The following AARSD1 variants were observed in gnomAD, a reference collection of about 807,000 sequenced individuals.
AARSD1 encodes alanyl-tRNA editing protein Aarsd1.
In AARSD1, 44 loss-of-function variants were observed where a neutral mutation model predicts 48.7. The ratio of observed to expected loss-of-function variants is 0.90; its 90% CI spans 0.71 to 1.16. The LOEUF is 1.16. Among genes scored for constraint, AARSD1 ranks in the 50% most tolerant of loss-of-function variants. The pLI is 0.00. For synonymous variants in AARSD1, 189 were observed against 194.9 expected (o/e 0.97, Z 0.25); for missense variants, 511 against 523.1 (o/e 0.98, Z 0.23).
intron 4 of AARSD1, among the ~76,000 whole-genome samples, chr17:42,956,799 CTGG>C (rs1054763814): frequency 1.1e-4 from 16 of 147,366 alleles, no homozygotes; most frequent in African/African-American, 4.0e-4. Context: ...TCCCGAGTAG[CTGG>C]GACTACAGGC....
At position 42,954,347 on chromosome 17, in the gene AARSD1, C is replaced by CA. The variant is rs200086743; in HGVS notation, c.953+528dup. Among the ~76,000 whole-genome samples the CA allele has an allele frequency of 2.6e-3, 399 of 151,300 alleles. 6 individuals are homozygous for CA. The East Asian group carries it at 0.029, about 11-fold the overall frequency. ...CTCCAGACACACTAAGACTCCATCT[C>CA]AAAAAAAACACAAAAAACAAAAGAT... On this transcript the variant is annotated intron_variant, in intron 9 of 11. Coordinates refer to ENST00000427569, the MANE Select transcript of AARSD1 (RefSeq NM_001261434.2).
At chr17:42,955,606 G>A (rs1597713836) in intron 7 of AARSD1, 2 of 584,946 alleles carry the variant, frequency 3.4e-6, no homozygotes, top group Non-Finnish European at 5.5e-6. Flanking sequence ...GCCTGGCTAA[G>A]TTCTTTTTGT....
intron 7 of AARSD1, 46 bp downstream of exon 7, chr17:42,955,796 A>G: frequency 3.1e-6 from 5 of 1,611,792 alleles, no homozygotes; most frequent in Non-Finnish European, 4.2e-6. Flanking sequence ...ATTATGTCGA[A>G]AATCTCAGAA....
At chr17:42,963,969 C>T (rs1220809850) in intron 2 of AARSD1, 137 bp downstream of exon 2, 1 of 1,444,674 alleles carries the variant, frequency 6.9e-7, no homozygotes, top group Non-Finnish European at 9.2e-7. Context: ...CTGATAAATA[C>T]TCATTAAATG....
chr17:42,955,411 T>G, intron 7 of AARSD1, 187 bp from the exon 8 acceptor site: 1 of 660,412 alleles, frequency 1.5e-6, no homozygotes, highest in South Asian at 2.0e-5. Flanking sequence ...TTCGTGGTTC[T>G]GATTTACTAT....
chr17:42,956,250 G>T lies in AARSD1; in HGVS notation c.617C>A (p.Ser206Tyr). ...CACATGGGTCCCACAGCACATGTTGGAATCAACGCCCTCGATGTTAACAAC... is the reference window on the plus strand; with the variant it reads ...CACATGGGTCCCACAGCACATGTTGTAATCAACGCCCTCGATGTTAACAAC... Reference protein sequence around the residue: ...IRVVNIEGVDSNMCCGTHVSN... With the variant: ...IRVVNIEGVDYNMCCGTHVSN... The change falls in exon 6 of 12, where the codon TCC becomes TAC. Residue 206 changes from serine to tyrosine, a missense_variant. Coordinates refer to ENST00000427569, the MANE Select transcript of AARSD1 (RefSeq NM_001261434.2). The T allele has an allele frequency of 1.9e-6, 3 of 1,614,064 alleles. No individual in the cohort carries two copies. The highest frequency in any genetic ancestry group is 2.5e-6 in the Non-Finnish European group (3 of 1,180,042).
In AARSD1 at chr17:42,964,200, A is replaced by G; in HGVS notation, c.77T>C (p.Leu26Pro). 6.2e-7 allele frequency: 1 copy of G among 1,614,206 alleles called. No homozygotes were observed. Among genetic ancestry groups the G allele is most frequent in the Non-Finnish European group, 8.5e-7 (1 of 1,180,038 alleles). Reference sequence around the variant, plus strand: ...CTTGCCGTTGCTCCCTTCAGTCTGCAGCTCCGCGGGACAGCAGGAGACCAC... The same window carrying G: ...CTTGCCGTTGCTCCCTTCAGTCTGCGGCTCCGCGGGACAGCAGGAGACCAC... ...TTVVSCCPAELQTEGSNGKKE... is the reference protein window; with the variant it reads ...TTVVSCCPAEPQTEGSNGKKE... The change falls in exon 2 of 12, where the codon CTG (leucine) becomes CCG (proline). Residue 26 changes from leucine to proline, a missense_variant. Coordinates refer to ENST00000427569, the MANE Select transcript of AARSD1 (RefSeq NM_001261434.2).
Position 42,957,255 on chromosome 17 carries a change from T to A in AARSD1, c.332-60A>T, listed in dbSNP as rs1270416166. The stretch of plus-strand genomic sequence containing the variant: ...AGAAGCCTACATACTCCCACAATGA[T>A]AAAATATGAGCTACAATGATAAAAG... On this transcript the variant is annotated intron_variant, in intron 3 of 11. Coordinates refer to ENST00000427569, the MANE Select transcript of AARSD1 (RefSeq NM_001261434.2). 5 of 1,599,542 alleles carry A rather than the reference T, an allele frequency of 3.1e-6. No homozygotes were observed. The Admixed American group carries it at 5.1e-5, about 16-fold the overall frequency.
At chr17:42,957,476 CTT>C (rs1165420812) in intron 3 of AARSD1, 323 of 82,936 alleles carry the variant, frequency 3.9e-3, no homozygotes, top group South Asian at 0.025. Context: ...ACTTAACTTC[CTT>C]TTTTTTTTTT....
intron 11 of AARSD1, 97 bp downstream of exon 11, chr17:42,951,703 T>G: frequency 8.4e-6 from 11 of 1,311,270 alleles, no homozygotes; most frequent in Non-Finnish European, 1.2e-5. Flanking sequence ...GTGAATTAAA[T>G]GAGATCGCAG....
intron 10 of AARSD1, among the ~76,000 whole-genome samples, chr17:42,952,665 G>A (rs1410824154): frequency 6.6e-6 from 1 of 151,830 alleles, no homozygotes; most frequent in Non-Finnish European, 1.5e-5. Flanking sequence ...GCAAGACTCT[G>A]TCTCTGAAAA....
In AARSD1 at chr17:42,955,237, G is replaced by T. The variant is rs1177159334; in HGVS notation, c.795-13C>A. 2 of 1,613,372 alleles carry T rather than the reference G, an allele frequency of 1.2e-6. No homozygotes were observed. Among genetic ancestry groups the T allele is most frequent in the Non-Finnish European group, 1.7e-6 (2 of 1,179,952 alleles). Reference sequence around the variant, plus strand: ...CTCTGCTCCACACCTGAAAGAGAAAGGTCAGAGGAGACCTGCGCAGCTTCC... The same window carrying T: ...CTCTGCTCCACACCTGAAAGAGAAATGTCAGAGGAGACCTGCGCAGCTTCC... On this transcript the variant is annotated splice_polypyrimidine_tract_variant and intron_variant, in intron 7 of 11. Transcript: ENST00000427569.
chr17:42,952,229 T>A (rs892561842), intron 10 of AARSD1: 3 of 327,542 alleles, frequency 9.2e-6, no homozygotes, highest in African/African-American at 6.3e-5. Flanking sequence ...CAGGTTTCCC[T>A]CTGCCTGGCC....
rs201477541 is a variant in AARSD1, at chr17:42,955,740, C to A, written c.794+102G>T. On this transcript the variant is annotated intron_variant, in intron 7 of 11. Coordinates refer to ENST00000427569, the MANE Select transcript of AARSD1 (RefSeq NM_001261434.2). ...ACAGATGTGGGCCACCACGCCTGGC[C>A]GCACTTTATCATTTACGATTGCATC... 82 of 1,562,144 alleles carry A rather than the reference C, an allele frequency of 5.2e-5. 1 individual carries two copies. In the South Asian group the frequency reaches 9.5e-4, roughly 18 times the overall value.
In AARSD1 at chr17:42,956,205, T is replaced by C. The variant is rs977254922; in HGVS notation, c.662A>G (p.Gln221Arg). ...ACTCCACAGCCGTTCCTCACTTACC[T>C]GAAGGTCACTGAGATTGCTCACATG... is the stretch of plus-strand genomic sequence containing the variant. ...GTHVSNLSDLQVIKILGTEKG... is the reference protein window; with the variant it reads ...GTHVSNLSDLRVIKILGTEKG... Residue 221 changes from glutamine (Q) to arginine (R), a missense_variant and splice_region_variant, in exon 6 of 12, where the codon CAG becomes CGG. Physicochemically the swap from Gln to Arg is conservative, Grantham distance 43. Coordinates refer to ENST00000427569, the MANE Select transcript of AARSD1 (RefSeq NM_001261434.2). The C allele has an allele frequency of 6.2e-7, 1 of 1,613,966 alleles. No homozygotes were observed. The highest frequency in any genetic ancestry group is 1.3e-5 in the African/African-American group (1 of 74,910).
At chr17:42,954,422 T>TA (rs1173312288) in intron 9 of AARSD1, among the ~76,000 whole-genome samples, 1 of 149,486 alleles carries the variant, frequency 6.7e-6, no homozygotes, top group East Asian at 1.9e-4. Flanking sequence ...GCCTGGTATG[T>TA]AACATATTTC....
At chr17:42,952,772 A>AAT (rs910647854) in intron 10 of AARSD1, among the ~76,000 whole-genome samples, 6 of 152,042 alleles carry the variant, frequency 3.9e-5, no homozygotes, top group African/African-American at 1.4e-4. Context: ...GGAAGAGGAA[A>AAT]ATGGACGGGG....
intron 3 of AARSD1, among the ~76,000 whole-genome samples, chr17:42,958,544 ATATT>A (rs1470922845): frequency 6.6e-6 from 1 of 151,690 alleles, no homozygotes; most frequent in Non-Finnish European, 1.5e-5. Context: ...TTCATTTTAC[ATATT>A]TATTTTTATT....
chr17:42,955,985 AG>A lies in AARSD1; in HGVS notation c.664-14del. 1 of 1,613,990 alleles carries A rather than the reference AG, an allele frequency of 6.2e-7. No homozygotes were observed. The highest frequency in any genetic ancestry group is 1.1e-5 in the South Asian group (1 of 91,084). On this transcript the variant is annotated splice_polypyrimidine_tract_variant and intron_variant, in intron 6 of 11. Coordinates refer to ENST00000427569, the MANE Select transcript of AARSD1 (RefSeq NM_001261434.2). ...GAATCTTAATGACCTACATGAGGCA[AG>A]GGGGTAACACACACACACACGTGTG...
Sources: allele counts gnomAD v4.1 joint callset (sites outside exome capture counted in the v4.1 genomes callset), GRCh38; gene constraint gnomAD v4.1.1; transcripts MANE v1.5; gene names NCBI Gene and HGNC (gene_info 2026-07-23, HGNC 2026-07-21).